RIN3: variants seen among roughly 807,000 people sequenced by gnomAD.
RIN3 encodes the protein Ras and Rab interactor 3.
In RIN3, 54 loss-of-function variants were observed where a neutral mutation model predicts 76.3. That is an observed-to-expected ratio of 0.71 (90% CI 0.57 to 0.89). The LOEUF (loss-of-function observed/expected upper bound fraction) is 0.89. RIN3 is among the 40% of genes least tolerant of loss of function. The probability of loss-of-function intolerance (pLI) is 0.00; values close to 1 mark genes in which losing one functional copy is unlikely to be tolerated. For synonymous variants in RIN3, 576 were observed against 564.0 expected (o/e 1.02, Z -0.30); for missense variants, 1,256 against 1,322.1 (o/e 0.95, Z 0.78).
intron 1 of RIN3, among the ~76,000 whole-genome samples, chr14:92,543,601 A>T (rs1020657385): frequency 2.1e-5 from 3 of 146,180 alleles, no homozygotes; most frequent in Non-Finnish European, 3.0e-5. Context: ...GGCAATTGCT[A>T]CACATCAAGG....
At chr14:92,673,143 A>G (rs1405045787) in intron 7 of RIN3, among the ~76,000 whole-genome samples, 1 of 152,130 alleles carries the variant, frequency 6.6e-6, no homozygotes, top group Admixed American at 6.5e-5. Context: ...GAAAAAAAAA[A>G]TAGCCAGTCT....
chr14:92,613,900 C>T (rs920051881), intron 3 of RIN3, among the ~76,000 whole-genome samples: 14 of 152,210 alleles, frequency 9.2e-5, no homozygotes, highest in African/African-American at 3.4e-4. Flanking sequence ...CTCTCACGTG[C>T]AGGGAGCATG....
chr14:92,615,426 G>C lies in RIN3; in HGVS notation c.387G>C (p.Ser129=), dbSNP rs145478507. 13 of 1,614,100 alleles carry C rather than the reference G, an allele frequency of 8.1e-6. No homozygotes were observed. The highest frequency in any genetic ancestry group is 9.3e-6 in the Non-Finnish European group (11 of 1,180,004). Residue 129 remains serine (S), a synonymous_variant, in exon 4 of 10, where the codon TCG becomes TCC. Coordinates refer to ENST00000216487, the MANE Select transcript of RIN3 (RefSeq NM_024832.5). ...EEKSILYLEG[S]ALVFEDIFRL... is the part of the protein sequence containing the mutation. ...CCCCAGTATTGTACCTGGAAGGCTC[G>C]GCTCTTGTGTTTGAGGACATCTTCA...
intron 3 of RIN3, among the ~76,000 whole-genome samples, chr14:92,605,211 C>T (rs1292166293): frequency 6.6e-6 from 1 of 152,134 alleles, no homozygotes; most frequent in Non-Finnish European, 1.5e-5. Flanking sequence ...ACTCCCCGCC[C>T]CATTTACTCT....
At chr14:92,577,336 C>G (rs1898274321) in intron 2 of RIN3, 24 bp from the exon 3 acceptor site, 2 of 1,543,672 alleles carry the variant, frequency 1.3e-6, no homozygotes, top group Non-Finnish European at 1.8e-6. Context: ...ATTCACGGAG[C>G]TGCATCCCCT....
chr14:92,656,932 G>A lies in RIN3; in HGVS notation c.2027-2229G>A, dbSNP rs1887692998. On this transcript the variant is annotated intron_variant, in intron 6 of 9. Coordinates refer to ENST00000216487, the MANE Select transcript of RIN3 (RefSeq NM_024832.5). The surrounding 1 kb of genome is among the most constrained non-coding windows in gnomAD (Gnocchi z 5.2). ...TGACCTGGCCATGAGGACAGAGCTG[G>A]TAGTAGAGCTGGGCTTCAGACCCAG... Among the ~76,000 whole-genome samples the A allele has an allele frequency of 6.6e-6, 1 of 152,208 alleles. No individual in the cohort carries two copies. Among genetic ancestry groups the A allele is most frequent in the Admixed American group, 6.5e-5 (1 of 15,284 alleles).
intron 3 of RIN3, among the ~76,000 whole-genome samples, chr14:92,588,833 A>C (rs745475549): frequency 6.6e-6 from 1 of 152,160 alleles, no homozygotes; most frequent in Non-Finnish European, 1.5e-5. Flanking sequence ...TGCAAGACTA[A>C]CACCACCATA....
chr14:92,664,226 A>C (rs1022872203), intron 7 of RIN3, among the ~76,000 whole-genome samples: 7 of 152,136 alleles, frequency 4.6e-5, no homozygotes, highest in African/African-American at 1.7e-4. Flanking sequence ...TCAAATAAAG[A>C]GTTCTATTTT....
intron 7 of RIN3, among the ~76,000 whole-genome samples, chr14:92,665,759 T>C (rs925968484): frequency 1.3e-4 from 20 of 150,960 alleles, no homozygotes; most frequent in African/African-American, 4.1e-4. Context: ...TAATGAAAGT[T>C]CCTCATTTTG....
chr14:92,576,328 C>A (rs1353253800), intron 2 of RIN3: 3 of 1,289,670 alleles, frequency 2.3e-6, no homozygotes, highest in East Asian at 5.5e-5. Flanking sequence ...TTGCTTAGAG[C>A]GTGAGAAGGA....
intron 7 of RIN3, among the ~76,000 whole-genome samples, chr14:92,661,723 TCACACACACACA>T (rs778646491): frequency 2.4e-4 from 33 of 134,962 alleles, no homozygotes; most frequent in African/African-American, 8.9e-4. Context: ...TGAGACTCTG[TCACACACACACA>T]CACACACACA....
intron 7 of RIN3, among the ~76,000 whole-genome samples, chr14:92,665,201 A>G (rs1465479461): frequency 2.0e-5 from 3 of 152,156 alleles, no homozygotes; most frequent in African/African-American, 7.2e-5. Context: ...AACTGTAGGC[A>G]GTTGTAGCTC....
At chr14:92,595,221 A>T (rs1885112191) in intron 3 of RIN3, among the ~76,000 whole-genome samples, 1 of 152,120 alleles carries the variant, frequency 6.6e-6, no homozygotes, top group Non-Finnish European at 1.5e-5. Flanking sequence ...GCCAAGGGAG[A>T]AGGAAAAAAG....
chr14:92,615,661 C>G, intron 4 of RIN3, 182 bp downstream of exon 4: 1 of 605,850 alleles, frequency 1.7e-6, no homozygotes, highest in South Asian at 2.0e-5. Context: ...GAGGCTTTCT[C>G]ACACTATCTG....
intron 8 of RIN3, among the ~76,000 whole-genome samples, chr14:92,677,317 G>A (rs956900123): frequency 2.6e-5 from 4 of 152,016 alleles, no homozygotes; most frequent in African/African-American, 9.7e-5. Context: ...ATTTCCTGAG[G>A]GGCAGCCAGT....
At chr14:92,674,288 G>C (rs745978352) in intron 7 of RIN3, among the ~76,000 whole-genome samples, 9 of 152,222 alleles carry the variant, frequency 5.9e-5, no homozygotes, top group African/African-American at 1.9e-4. Context: ...GTAGCGTGCA[G>C]TTGCCCAGGA....
At chr14:92,645,885 G>C (rs1337027520) in intron 5 of RIN3, among the ~76,000 whole-genome samples, 1 of 152,008 alleles carries the variant, frequency 6.6e-6, no homozygotes, top group Non-Finnish European at 1.5e-5. Flanking sequence ...TCGGGAAGTG[G>C]AGATTGCAGT....
chr14:92,590,264 G>T (rs1003911669), intron 3 of RIN3, among the ~76,000 whole-genome samples: 6 of 152,190 alleles, frequency 3.9e-5, no homozygotes, highest in Admixed American at 2.0e-4. Context: ...TTCTCAATAA[G>T]GTATGCTTTC....
chr14:92,588,242 TTTG>T (rs1347205287), intron 3 of RIN3, among the ~76,000 whole-genome samples: 5 of 112,684 alleles, frequency 4.4e-5, no homozygotes, highest in Admixed American at 1.0e-4. Context: ...TTTTTTTTTT[TTTG>T]AGATGGAGTT....
Sources: gnomAD v4.1 joint callset for allele counts (sites outside exome capture counted in the v4.1 genomes callset) on GRCh38, gnomAD v4.1.1 for gene constraint, Gnocchi (gnomAD v3.1) non-coding constraint, MANE v1.5 for transcripts, NCBI Gene and HGNC (gene_info 2026-07-23, HGNC 2026-07-21) for gene names.